The following PSMD11 variants were observed in gnomAD, a reference collection of about 807,000 sequenced individuals.
The protein encoded by PSMD11 is 26S proteasome non-ATPase regulatory subunit 11.
PSMD11 carries 5 observed loss-of-function variants against 62.3 expected under a neutral mutation model. That is an observed-to-expected ratio of 0.08 (90% CI 0.04 to 0.17). PSMD11 has a LOEUF of 0.17. PSMD11 is among the 10% of genes least tolerant of loss of function. The pLI is 1.00. For missense variants in PSMD11, 310 were observed against 512.9 expected (o/e 0.60, Z 3.82); for synonymous variants, 191 against 191.8 (o/e 1.00, Z 0.03).
chr17:32,459,126 A>ATATATATATATATGTATTT (rs1387064579), intron 3 of PSMD11, among the ~76,000 whole-genome samples: 2 of 143,546 alleles, frequency 1.4e-5, no homozygotes, highest in Admixed American at 1.4e-4. Flanking sequence ...ATATATATAT[A>ATATATATATATATGTATTT]TATATATATA....
At chr17:32,463,410 A>G (rs2150834220) in intron 3 of PSMD11, 1 of 152,320 alleles carries the variant, frequency 6.6e-6, no homozygotes, top group South Asian at 2.1e-4. Flanking sequence ...AGAAGCAGGG[A>G]AAGAGTAGAT....
rs1019414437 is a variant in PSMD11 at position 32,464,583 on chromosome 17, G to A, written c.448+5G>A. 6.9e-6 allele frequency: 11 copies of A among 1,601,912 alleles called. No homozygotes were observed. The highest frequency in any genetic ancestry group is 4.3e-6 in the Non-Finnish European group (5 of 1,170,950). ...ACCAGGAAGCATTGCATTTGGGTAA[G>A]TAAGCTGGTAATAAGTCATCTCAGC... On this transcript the variant is annotated splice_donor_5th_base_variant and intron_variant, in intron 5 of 13. Transcript: ENST00000261712.
chr17:32,470,218 TG>T (rs1908125027), intron 6 of PSMD11, among the ~76,000 whole-genome samples: 1 of 152,032 alleles, frequency 6.6e-6, no homozygotes, highest in East Asian at 1.9e-4. Context: ...TTGCCCAGAC[TG>T]GTCTTGAACT....
rs1472502119 is a variant in PSMD11, at chr17:32,458,365, AT to A, written c.318+3747del. Among the ~76,000 whole-genome samples, 3 of 152,166 alleles carry A rather than the reference AT, an allele frequency of 2.0e-5. No individual in the cohort carries two copies. In the East Asian group the frequency reaches 5.8e-4, roughly 29 times the overall value. ...CCCAGGACTCTACTAAGCATATCAA[AT>A]ATGTCAGCCATGTTGGATCCCTGGC... is the stretch of plus-strand genomic sequence containing the variant. On this transcript the variant is annotated intron_variant, in intron 3 of 13. Coordinates refer to ENST00000261712, the MANE Select transcript of PSMD11 (RefSeq NM_002815.4).
intron 7 of PSMD11, 150 bp downstream of exon 7, chr17:32,474,095 A>T: frequency 1.1e-6 from 1 of 892,166 alleles, no homozygotes; most frequent in South Asian, 1.7e-5. Flanking sequence ...GAGCGGGAGG[A>T]TCAAAAGTGG....
chr17:32,450,382 A>G (rs369367252), intron 2 of PSMD11, among the ~76,000 whole-genome samples: 3 of 150,352 alleles, frequency 2.0e-5, no homozygotes, highest in East Asian at 1.9e-4. Flanking sequence ...AGCCTCCCCA[A>G]GTAGCTGGGA....
intron 2 of PSMD11, 26 bp downstream of exon 2, chr17:32,447,072 T>A (rs1387761739): frequency 2.6e-6 from 4 of 1,515,706 alleles, no homozygotes; most frequent in Non-Finnish European, 3.6e-6. Flanking sequence ...GGATTGTATC[T>A]GAAATGCTCA....
At chr17:32,473,445 T>C (rs927230453) in intron 6 of PSMD11, among the ~76,000 whole-genome samples, 1 of 151,848 alleles carries the variant, frequency 6.6e-6, no homozygotes, top group African/African-American at 2.4e-5. Context: ...CCCAGCTAAT[T>C]TTTTTTGTAA....
intron 3 of PSMD11, among the ~76,000 whole-genome samples, chr17:32,463,649 T>A (rs1223813137): frequency 6.6e-6 from 1 of 152,198 alleles, no homozygotes; most frequent in East Asian, 1.9e-4. Context: ...GGATGAGAAT[T>A]TCTCCCCTTT....
chr17:32,456,017 G>A (rs1050805959), intron 3 of PSMD11, among the ~76,000 whole-genome samples: 3 of 151,670 alleles, frequency 2.0e-5, no homozygotes, highest in African/African-American at 4.8e-5. Flanking sequence ...GGTGGTGGGC[G>A]CCTGTAGTCC....
At chr17:32,460,434 G>A (rs1426611546) in intron 3 of PSMD11, among the ~76,000 whole-genome samples, 1 of 152,072 alleles carries the variant, frequency 6.6e-6, no homozygotes, top group Non-Finnish European at 1.5e-5. Context: ...GAGAATATGA[G>A]GGAGGGGATT....
Position 32,464,523 on chromosome 17 carries a change from A to T in PSMD11, c.393A>T (p.Ala131=). The change falls in exon 5 of 14, where the codon GCA becomes GCT. Residue 131 remains alanine (A), a splice_region_variant and synonymous_variant. Coordinates refer to ENST00000261712, the MANE Select transcript of PSMD11 (RefSeq NM_002815.4). The part of the protein sequence containing the change: ...KRTFLRQALE[A]RLVSLYFDTK... ...TCAATGCCTTTTCTCTTTCCTAGGC[A>T]AGACTGGTGTCTTTGTACTTTGATA... is the stretch of plus-strand genomic sequence containing the variant. The T allele has an allele frequency of 2.5e-6, 4 of 1,603,906 alleles. No individual in the cohort carries two copies. The highest frequency in any genetic ancestry group is 3.4e-6 in the Non-Finnish European group (4 of 1,173,810).
At chr17:32,445,040 C>T (rs1329106084) in intron 1 of PSMD11, 1 of 188,656 alleles carries the variant, frequency 5.3e-6, no homozygotes, top group African/African-American at 2.4e-5. Context: ...AGGCATTTCC[C>T]GCCGTTGTAA....
intron 3 of PSMD11, among the ~76,000 whole-genome samples, chr17:32,458,212 A>G (rs1907707208): frequency 6.6e-6 from 1 of 152,170 alleles, no homozygotes; most frequent in Non-Finnish European, 1.5e-5. Context: ...TAGCCCTCTG[A>G]TAATTTTATT....
chr17:32,467,240 G>A (rs1264807663), intron 5 of PSMD11, among the ~76,000 whole-genome samples: 2 of 138,804 alleles, frequency 1.4e-5, no homozygotes, highest in African/African-American at 2.7e-5. Context: ...ACCATGCCCG[G>A]CCTTTTTTTT....
chr17:32,465,446 C>G (rs1907966217), intron 5 of PSMD11, among the ~76,000 whole-genome samples: 1 of 151,722 alleles, frequency 6.6e-6, no homozygotes, highest in African/African-American at 2.4e-5. Context: ...TAGATCTGGA[C>G]TATTTTTTCC....
intron 2 of PSMD11, among the ~76,000 whole-genome samples, chr17:32,451,678 A>T (rs1358624250): frequency 2.0e-5 from 3 of 151,954 alleles, no homozygotes; most frequent in East Asian, 1.9e-4. Flanking sequence ...GTAATCTCTT[A>T]AAAAAAAGTG....
Position 32,482,303 on chromosome 17 carries a change from C to T in PSMD11, c.*1551C>T, listed in dbSNP as rs556191386. 1 of 152,106 alleles carries T rather than the reference C, an allele frequency of 6.6e-6. No individual in the cohort carries two copies. Among genetic ancestry groups the T allele is most frequent in the South Asian group, 2.1e-4 (1 of 4,812 alleles). 9.4% of individuals were successfully genotyped at this position (152,106 alleles called of 1,614,324 possible). On this transcript the variant is annotated 3_prime_UTR_variant, in exon 14 of 14. Transcript: ENST00000261712. ...GCACCATCAGTATCAAATGTACAAA[C>T]GGTTCTTGCTAACCAACACCAGGTA...
At chr17:32,463,222 T>C (rs1486898140) in intron 3 of PSMD11, among the ~76,000 whole-genome samples, 1 of 152,232 alleles carries the variant, frequency 6.6e-6, no homozygotes, top group Non-Finnish European at 1.5e-5. Flanking sequence ...TAGCATTGAG[T>C]GCTGCTTTAA....
Sources: allele counts gnomAD v4.1 joint callset (sites outside exome capture counted in the v4.1 genomes callset), GRCh38; gene constraint gnomAD v4.1.1; transcripts MANE v1.5; gene names NCBI Gene and HGNC (gene_info 2026-07-23, HGNC 2026-07-21).